Variants in HSP90B1 observed in about 807,000 individuals in gnomAD.
HSP90B1 encodes heat shock protein 90 beta family member 1.
In HSP90B1, 27 loss-of-function variants were observed where a neutral mutation model predicts 100.4. That is an observed-to-expected ratio of 0.27 (90% CI 0.20 to 0.37). The LOEUF is 0.37. HSP90B1 is among the 10% of genes least tolerant of loss of function. HSP90B1 has a pLI of 1.00. For synonymous variants in HSP90B1, 304 were observed against 330.8 expected (o/e 0.92, Z 0.88); for missense variants, 678 against 960.5 (o/e 0.71, Z 3.89).
Position 103,946,596 on chromosome 12 carries a change from G to A in HSP90B1, c.2028-22G>A, listed in dbSNP as rs1870240593. 1.9e-6 allele frequency: 3 copies of A among 1,561,056 alleles called. No individual in the cohort carries two copies. In the East Asian group the frequency reaches 6.7e-5, roughly 35 times the overall value. ...CTAAAATTGGATATGTTTTGTTAAT[G>A]TTCATTTTTATCTCTTAACAGTTAC... On this transcript the variant is annotated intron_variant, in intron 14 of 17. Transcript: ENST00000299767.
intron 5 of HSP90B1, among the ~76,000 whole-genome samples, chr12:103,935,669 A>T (rs1297358636): frequency 6.6e-6 from 1 of 152,104 alleles, no homozygotes; most frequent in Non-Finnish European, 1.5e-5. Flanking sequence ...ACTAACATTG[A>T]TGTCTCCAGG....
rs371679890 is a variant in HSP90B1, at chr12:103,943,666, C to T, written c.1891-72C>T. On this transcript the variant is annotated intron_variant, in intron 13 of 17. Coordinates refer to ENST00000299767, the MANE Select transcript of HSP90B1 (RefSeq NM_003299.3). This position sits in a 1 kb window ranked among gnomAD's most constrained non-coding sequence, Gnocchi z 5.3. The stretch of plus-strand genomic sequence containing the variant: ...TGATCTTAAGTGATAAAGTCTTAGA[C>T]AGTTGAAAGACAATTGCTCAATGAC... The T allele has an allele frequency of 2.6e-5, 36 of 1,411,740 alleles. 1 individual carries two copies. The highest frequency in any genetic ancestry group is 1.6e-4 in the African/African-American group (11 of 70,228). The allele number at this position is 1,411,740 out of a possible 1,614,324, so 87.5% of individuals were successfully genotyped here. A position where few individuals can be genotyped will look rare whatever the true frequency, so the allele number is the denominator to read the frequency against.
intron 5 of HSP90B1, among the ~76,000 whole-genome samples, chr12:103,935,523 C>T (rs1869888266): frequency 6.6e-6 from 1 of 152,130 alleles, no homozygotes; most frequent in Non-Finnish European, 1.5e-5. Context: ...TCATTGTGAC[C>T]AACTTTCTTC....
At chr12:103,942,851 T>C (rs971842905) in intron 12 of HSP90B1, 55 bp downstream of exon 12, 2 of 1,591,106 alleles carry the variant, frequency 1.3e-6, no homozygotes, top group Admixed American at 3.5e-5. Context: ...TAGGGATTTA[T>C]AGCCAACTCT....
intron 5 of HSP90B1, among the ~76,000 whole-genome samples, chr12:103,934,622 A>C (rs1311566926): frequency 6.6e-6 from 1 of 152,220 alleles, no homozygotes; most frequent in Non-Finnish European, 1.5e-5. Context: ...TCCTGAATAA[A>C]GGCATGGAGG....
chr12:103,932,337 GA>G lies in HSP90B1; in HGVS notation c.215del (p.Lys72SerfsTer14), dbSNP rs1228371011. 10 of 1,612,902 alleles carry G rather than the reference GA, an allele frequency of 6.2e-6. No individual in the cohort carries two copies. The highest frequency in any genetic ancestry group is 8.5e-6 in the Non-Finnish European group (10 of 1,179,220). Reference protein sequence around the residue: ...NASQIRELREKSEKFAFQAEV... With the variant: ...NASQIRELREXSEKFAFQAEV... ...CATCACAAATAAGAGAACTTAGAGAGAAGTCGGAAAAGTTTGCCTTCCAAGC... is the reference window on the plus strand; with the variant it reads ...CATCACAAATAAGAGAACTTAGAGAGAGTCGGAAAAGTTTGCCTTCCAAGC... On this transcript the variant is annotated frameshift_variant, in exon 3 of 18. Transcript: ENST00000299767. LOFTEE classifies it high-confidence loss of function.
In HSP90B1 at chr12:103,930,443, T is replaced by A. The variant is rs952391703; in HGVS notation, c.-73T>A. 2.1e-6 allele frequency: 3 copies of A among 1,456,220 alleles called. No homozygotes were observed. Among genetic ancestry groups the A allele is most frequent in the East Asian group, 2.6e-5 (1 of 39,050 alleles). The allele number at this position is 1,456,220 out of a possible 1,614,324, so 90.2% of individuals were successfully genotyped here. On this transcript the variant is annotated 5_prime_UTR_variant, in exon 1 of 18. Coordinates refer to ENST00000299767, the MANE Select transcript of HSP90B1 (RefSeq NM_003299.3). This position sits in a 1 kb window ranked among gnomAD's most constrained non-coding sequence, Gnocchi z 4.4. ...GACCGCGCGGCTGGAGGTGTGAGGA[T>A]CCGAACCCAGGGGTGGGGGGTGGAG... is the stretch of plus-strand genomic sequence containing the variant.
At chr12:103,939,732 T>C (rs1221919181) in intron 8 of HSP90B1, 107 bp downstream of exon 8, 6 of 530,580 alleles carry the variant, frequency 1.1e-5, no homozygotes, top group Non-Finnish European at 2.0e-5. Flanking sequence ...AGATGGTCCA[T>C]TCCCATTTTT....
In HSP90B1 at chr12:103,946,795, G is replaced by C. The variant is rs780752923; in HGVS notation, c.2116G>C (p.Asp706His). 1 of 1,613,942 alleles carries C rather than the reference G, an allele frequency of 6.2e-7. No individual in the cohort carries two copies. The highest frequency in any genetic ancestry group is 8.5e-7 in the Non-Finnish European group (1 of 1,179,968). Residue 706 changes from aspartate (D) to histidine (H), a missense_variant, in exon 16 of 18, where the codon GAT (aspartate) becomes CAT (histidine). By Grantham distance (81) the Asp-to-His change is moderately conservative (BLOSUM62 -1). Coordinates refer to ENST00000299767, the MANE Select transcript of HSP90B1 (RefSeq NM_003299.3). ...TCTTCTTGCATTTCAGGAAGATGAA[G>C]ATGATAAAACAGTTTTGGATCTTGC... Reference protein sequence around the residue: ...DMLRRIKEDEDDKTVLDLAVV... With the variant: ...DMLRRIKEDEHDKTVLDLAVV...
At chr12:103,936,217 G>A (rs1349996918) in intron 5 of HSP90B1, among the ~76,000 whole-genome samples, 1 of 152,112 alleles carries the variant, frequency 6.6e-6, no homozygotes, top group Non-Finnish European at 1.5e-5. Context: ...GAGCCAGCTA[G>A]TAGAAAAAAA....
In HSP90B1 at chr12:103,930,647, G is replaced by C. The variant is rs183492193; in HGVS notation, c.49+83G>C. ...GGTCCTGGGGGCGTTGAACGTGGGA[G>C]GGGGGATCCCGGGGCCTGCGGTGGG... On this transcript the variant is annotated intron_variant, in intron 1 of 17. Transcript: ENST00000299767. This position sits in a 1 kb window ranked among gnomAD's most constrained non-coding sequence, Gnocchi z 4.4. 25 of 1,400,536 alleles carry C rather than the reference G, an allele frequency of 1.8e-5. No homozygotes were observed. Among genetic ancestry groups the C allele is most frequent in the Non-Finnish European group, 2.2e-5 (22 of 1,021,834 alleles). 86.8% of individuals were successfully genotyped at this position (1,400,536 alleles called of 1,614,324 possible). A position where few individuals can be genotyped will look rare whatever the true frequency, so the allele number is the denominator to read the frequency against.
rs1870123183 is a variant in HSP90B1 at position 103,943,062 on chromosome 12, T to C, written c.1645-12T>C. The C allele has an allele frequency of 6.2e-7, 1 of 1,612,852 alleles. No individual in the cohort carries two copies. Among genetic ancestry groups the C allele is most frequent in the Non-Finnish European group, 8.5e-7 (1 of 1,179,390 alleles). ...CAGACTTGGAAAACTTTGTGACTTC[T>C]TAATTTTGTAGGCTGAATCTTCTCC... is the stretch of plus-strand genomic sequence containing the variant. On this transcript the variant is annotated splice_polypyrimidine_tract_variant and intron_variant, in intron 12 of 17. Coordinates refer to ENST00000299767, the MANE Select transcript of HSP90B1 (RefSeq NM_003299.3). The surrounding 1 kb of genome is among the most constrained non-coding windows in gnomAD (Gnocchi z 5.3).
chr12:103,940,925 G>A (rs1263577156), intron 8 of HSP90B1, among the ~76,000 whole-genome samples: 1 of 152,162 alleles, frequency 6.6e-6, no homozygotes, highest in African/African-American at 2.4e-5. Flanking sequence ...AGATAATGCA[G>A]ATCAAGAGAA....
Position 103,939,626 on chromosome 12 carries a change from G to GGAATTA in HSP90B1, c.1092+1_1092+2insGAATTA. 1.5e-6 allele frequency: 2 copies of GGAATTA among 1,354,704 alleles called. No homozygotes were observed. The highest frequency in any genetic ancestry group is 2.0e-6 in the Non-Finnish European group (2 of 980,880). 83.9% of individuals were successfully genotyped at this position (1,354,704 alleles called of 1,614,324 possible). A position where few individuals can be genotyped will look rare whatever the true frequency, so the allele number is the denominator to read the frequency against. On this transcript the variant is annotated splice_donor_variant, in intron 8 of 17. Transcript: ENST00000299767. LOFTEE classifies it high-confidence loss of function. The stretch of plus-strand genomic sequence containing the variant: ...AGCTTTCTACAAATCATTTTCAAAG[G>GGAATTA]TAAATATTTATAATTCCCTAGTTTC...
chr12:103,935,180 A>G (rs1432822320), intron 5 of HSP90B1, among the ~76,000 whole-genome samples: 1 of 152,214 alleles, frequency 6.6e-6, no homozygotes, highest in Non-Finnish European at 1.5e-5. Context: ...AAGTTGTGAA[A>G]GCTGTGGAAT....
intron 14 of HSP90B1, among the ~76,000 whole-genome samples, chr12:103,945,135 A>C (rs1870190553): frequency 6.6e-6 from 1 of 151,756 alleles, no homozygotes. Context: ...CTTTTCTAAC[A>C]TTTAGACTAG....
Position 103,943,946 on chromosome 12 carries a change from G to C in HSP90B1, c.2027+72G>C. 7.0e-7 allele frequency: 1 copy of C among 1,422,260 alleles called. No individual in the cohort carries two copies. The highest frequency in any genetic ancestry group is 9.5e-7 in the Non-Finnish European group (1 of 1,053,168). 88.1% of individuals were successfully genotyped at this position (1,422,260 alleles called of 1,614,324 possible). A position where few individuals can be genotyped will look rare whatever the true frequency, so the allele number is the denominator to read the frequency against. On this transcript the variant is annotated intron_variant, in intron 14 of 17. Coordinates refer to ENST00000299767, the MANE Select transcript of HSP90B1 (RefSeq NM_003299.3). This position sits in a 1 kb window ranked among gnomAD's most constrained non-coding sequence, Gnocchi z 5.3. The stretch of plus-strand genomic sequence containing the variant: ...AATCTTTGTTTTGGAGATAATACCA[G>C]CTTCAATACAAAGAGTAAAATTGCC...
At chr12:103,938,299 T>C (rs749456136) in intron 6 of HSP90B1, 41 bp from the exon 7 acceptor site, 13 of 1,503,376 alleles carry the variant, frequency 8.6e-6, no homozygotes, top group Non-Finnish European at 1.1e-5. Context: ...ATCAGAATTG[T>C]TAAACAAATG....
At chr12:103,932,504 TG>T in intron 3 of HSP90B1, 86 bp downstream of exon 3, 4 of 1,197,220 alleles carry the variant, frequency 3.3e-6, no homozygotes, top group Non-Finnish European at 3.6e-6. Flanking sequence ...GCAAAAGTAA[TG>T]TAGTATCCAA....
Sources: allele counts gnomAD v4.1 joint callset (sites outside exome capture counted in the v4.1 genomes callset), GRCh38; gene constraint gnomAD v4.1.1; non-coding constraint Gnocchi (gnomAD v3.1); transcripts MANE v1.5; gene names NCBI Gene and HGNC (gene_info 2026-07-23, HGNC 2026-07-21).